Variants in STXBP5L observed in about 807,000 individuals in gnomAD.
STXBP5L encodes the protein syntaxin-binding protein 5-like.
STXBP5L carries 65 observed loss-of-function variants against 144.5 expected under a neutral mutation model. The observed-to-expected ratio is 0.45, with a 90% CI of 0.37 to 0.55. The LOEUF (loss-of-function observed/expected upper bound fraction) is 0.55, where lower values mean the gene tolerates loss of function less well. STXBP5L is among the 20% of genes least tolerant of loss of function. The pLI is 0.00. For synonymous variants in STXBP5L, 505 were observed against 469.6 expected (o/e 1.08, Z -0.97); for missense variants, 1,298 against 1,405.5 (o/e 0.92, Z 1.22).
At chr3:121,185,524 A>G (rs1196374648) in intron 9 of STXBP5L, among the ~76,000 whole-genome samples, 1 of 152,212 alleles carries the variant, frequency 6.6e-6, no homozygotes, top group African/African-American at 2.4e-5. Context: ...ATGGCTGGCC[A>G]GTTTTGCCAG....
At chr3:121,098,269 G>C (rs916073151) in intron 5 of STXBP5L, among the ~76,000 whole-genome samples, 1 of 152,164 alleles carries the variant, frequency 6.6e-6, no homozygotes, top group South Asian at 2.1e-4. Context: ...GTCAGCATCT[G>C]CTTCTGGTGA....
chr3:121,060,002 TA>T (rs1424439626), intron 5 of STXBP5L, among the ~76,000 whole-genome samples: 2 of 152,142 alleles, frequency 1.3e-5, no homozygotes, highest in Non-Finnish European at 2.9e-5. Context: ...GAACTTCCAA[TA>T]CTATGTTGAA....
At chr3:120,962,610 G>A (rs1442312482) in intron 3 of STXBP5L, among the ~76,000 whole-genome samples, 5 of 151,958 alleles carry the variant, frequency 3.3e-5, no homozygotes, top group Non-Finnish European at 7.4e-5. Flanking sequence ...TATTTCTGAG[G>A]GCTCTGTTCT....
chr3:121,146,963 T>G (rs2045734767), intron 7 of STXBP5L, among the ~76,000 whole-genome samples: 1 of 152,040 alleles, frequency 6.6e-6, no homozygotes, highest in Non-Finnish European at 1.5e-5. Context: ...TTTTTAAAAT[T>G]GGACAGAACT....
At chr3:121,298,486 C>T (rs2051751670) in intron 19 of STXBP5L, among the ~76,000 whole-genome samples, 1 of 152,132 alleles carries the variant, frequency 6.6e-6, no homozygotes, top group East Asian at 1.9e-4. Flanking sequence ...GATACCGCAT[C>T]AAACTAAAAG....
chr3:121,342,096 A>G (rs890516409), intron 20 of STXBP5L, among the ~76,000 whole-genome samples: 1 of 152,034 alleles, frequency 6.6e-6, no homozygotes, highest in African/African-American at 2.4e-5. Context: ...TATGTCATGT[A>G]CCCCATAAAT....
In STXBP5L at chr3:120,938,885, A is replaced by C. The variant is rs565656466; in HGVS notation, c.190-16055A>C. ...AGTGTCGAACTCCTGGGTTGAAGGG[A>C]TCCTCCCACCTCATCCTTCCCAAGT... On this transcript the variant is annotated intron_variant, in intron 2 of 26. Coordinates refer to ENST00000471454, the MANE Select transcript of STXBP5L (RefSeq NM_001308330.2). Among the ~76,000 whole-genome samples, 5 of 152,156 alleles carry C rather than the reference A, an allele frequency of 3.3e-5. No individual in the cohort carries two copies. In the East Asian group the frequency reaches 9.7e-4, roughly 29 times the overall value.
At chr3:121,266,032 C>T (rs920703111) in intron 18 of STXBP5L, among the ~76,000 whole-genome samples, 32 of 152,146 alleles carry the variant, frequency 2.1e-4, no homozygotes, top group African/African-American at 6.3e-4. Context: ...GATTCACAGC[C>T]GAATTCTACC....
At chr3:120,911,151 A>G (rs1708815400) in intron 2 of STXBP5L, among the ~76,000 whole-genome samples, 1 of 152,134 alleles carries the variant, frequency 6.6e-6, no homozygotes, top group Non-Finnish European at 1.5e-5. Flanking sequence ...TACCAGAGGT[A>G]AAACTGGTAT....
Position 121,253,797 on chromosome 3 carries a change from AT to A in STXBP5L, c.1442-1086del, listed in dbSNP as rs373767147. Among the ~76,000 whole-genome samples, 678 of 120,508 alleles carry A rather than the reference AT, an allele frequency of 5.6e-3. 8 individuals are homozygous for A. The highest frequency in any genetic ancestry group is 9.0e-3 in the Middle Eastern group (2 of 222). 79.1% of individuals were successfully genotyped at this position (120,508 alleles called of 152,430 possible). ...AGGCGCCCGCCACCACGCCCCGCTA[AT>A]TTTTTTTTTTTCTTTTTTTTTTTTT... is the stretch of plus-strand genomic sequence containing the variant. On this transcript the variant is annotated intron_variant, in intron 15 of 26. Coordinates refer to ENST00000471454, the MANE Select transcript of STXBP5L (RefSeq NM_001308330.2).
chr3:121,022,626 A>G (rs750318736), intron 3 of STXBP5L, among the ~76,000 whole-genome samples: 21 of 152,172 alleles, frequency 1.4e-4, no homozygotes, highest in Non-Finnish European at 2.4e-4. Context: ...AATAAGTGTG[A>G]TATACCACAT....
chr3:121,178,179 A>G (rs1373232303), intron 9 of STXBP5L, among the ~76,000 whole-genome samples: 2 of 152,212 alleles, frequency 1.3e-5, no homozygotes, highest in African/African-American at 4.8e-5. Context: ...TAAGGAAGAC[A>G]AAAAGTTCTG....
chr3:120,963,367 A>T (rs1939110244), intron 3 of STXBP5L, among the ~76,000 whole-genome samples: 1 of 152,198 alleles, frequency 6.6e-6, no homozygotes, highest in African/African-American at 2.4e-5. Context: ...TTTCAAAGGG[A>T]ATGCTTCCAG....
intron 5 of STXBP5L, chr3:121,099,210 T>G (rs2043291806): frequency 6.6e-6 from 1 of 152,234 alleles, no homozygotes; most frequent in Admixed American, 6.5e-5. Context: ...GGTGACTGTC[T>G]GCCAAATTGG....
intron 14 of STXBP5L, among the ~76,000 whole-genome samples, chr3:121,246,236 C>T (rs372911168): frequency 7.2e-5 from 11 of 152,252 alleles, no homozygotes; most frequent in African/African-American, 1.9e-4. Flanking sequence ...CTAGGTTGCA[C>T]GCTTCTTATG....
chr3:121,035,636 A>G (rs919415004), intron 3 of STXBP5L, among the ~76,000 whole-genome samples: 2 of 152,090 alleles, frequency 1.3e-5, no homozygotes, highest in Non-Finnish European at 2.9e-5. Flanking sequence ...AGGCTGGGCA[A>G]TGTTATGTCT....
chr3:121,021,996 A>G (rs1945591920), intron 3 of STXBP5L, among the ~76,000 whole-genome samples: 1 of 152,156 alleles, frequency 6.6e-6, no homozygotes, highest in Non-Finnish European at 1.5e-5. Context: ...CTTTGAAAAG[A>G]TAAATAAAAT....
chr3:121,055,001 A>G (rs1948347145), intron 5 of STXBP5L, among the ~76,000 whole-genome samples: 1 of 152,140 alleles, frequency 6.6e-6, no homozygotes, highest in Non-Finnish European at 1.5e-5. Flanking sequence ...AGTGGTGATG[A>G]TTTCCAATAG....
chr3:121,079,837 C>T (rs886077560), intron 5 of STXBP5L, among the ~76,000 whole-genome samples: 2 of 152,132 alleles, frequency 1.3e-5, no homozygotes, highest in Non-Finnish European at 1.5e-5. Context: ...CTGTTAAGCC[C>T]ATTTGTTCTA....
Sources: allele counts gnomAD v4.1 joint callset (sites outside exome capture counted in the v4.1 genomes callset), GRCh38; gene constraint gnomAD v4.1.1; transcripts MANE v1.5; gene names NCBI Gene and HGNC (gene_info 2026-07-23, HGNC 2026-07-21).